Variants in CCNB1IP1 observed in about 807,000 individuals in gnomAD.
The protein encoded by CCNB1IP1 is E3 ubiquitin-protein ligase CCNB1IP1.
Under a neutral mutation model 25.6 loss-of-function variants are expected in CCNB1IP1, and 14 were observed. The observed-to-expected ratio is 0.55, with a 90% CI of 0.36 to 0.85. The LOEUF is 0.85. Ranked by LOEUF, CCNB1IP1 falls within the 40% of genes least tolerant of loss-of-function variation. The pLI, the probability that CCNB1IP1 is intolerant of heterozygous loss-of-function variation, is 0.01. For missense variants in CCNB1IP1, 278 were observed against 342.4 expected (o/e 0.81, Z 1.48); for synonymous variants, 119 against 116.1 (o/e 1.02, Z -0.16).
intron 4 of CCNB1IP1, 140 bp downstream of exon 4, chr14:20,325,399 C>A (rs1033981454): frequency 1.5e-5 from 2 of 137,736 alleles, no homozygotes; most frequent in African/African-American, 5.6e-5. Flanking sequence ...CCAGCCTGGG[C>A]GACAGAGCAA....
intron 4 of CCNB1IP1, among the ~76,000 whole-genome samples, chr14:20,320,655 A>G (rs188459943): frequency 6.6e-6 from 1 of 151,610 alleles, no homozygotes; most frequent in African/African-American, 2.4e-5. Flanking sequence ...AAACACAAAA[A>G]TTAGCTGGAT....
chr14:20,329,517 T>C (rs981860693), intron 1 of CCNB1IP1, 144 bp from the exon 2 acceptor site: 1 of 152,218 alleles, frequency 6.6e-6, no homozygotes, highest in African/African-American at 2.4e-5. Flanking sequence ...TCACTATCAG[T>C]TTCCTTCCTT....
intron 4 of CCNB1IP1, among the ~76,000 whole-genome samples, chr14:20,319,393 T>C (rs1882821088): frequency 6.6e-6 from 1 of 152,246 alleles, no homozygotes; most frequent in Admixed American, 6.5e-5. Flanking sequence ...AACATCTGTT[T>C]TTGGCTGTTT....
intron 1 of CCNB1IP1, among the ~76,000 whole-genome samples, chr14:20,332,027 T>TATATATATATATATATATATATATA (rs1555314508): frequency 3.0e-5 from 1 of 33,658 alleles, no homozygotes; most frequent in Non-Finnish European, 5.3e-5. Context: ...TATATATATA[T>TATATATATATATATATATATATATA]TTTTTTTTTT....
chr14:20,321,047 A>T (rs1429613890), intron 4 of CCNB1IP1, among the ~76,000 whole-genome samples: 2 of 151,500 alleles, frequency 1.3e-5, no homozygotes, highest in African/African-American at 4.9e-5. Context: ...CTGAGGCAGG[A>T]GAATAGCTTG....
intron 4 of CCNB1IP1, chr14:20,317,973 G>C (rs1489776212): frequency 6.6e-6 from 1 of 152,228 alleles, no homozygotes; most frequent in Admixed American, 6.5e-5. Flanking sequence ...CCGCAGCTCC[G>C]GCTAAGAATC....
At chr14:20,322,928 G>C (rs1227538184) in intron 4 of CCNB1IP1, among the ~76,000 whole-genome samples, 1 of 152,072 alleles carries the variant, frequency 6.6e-6, no homozygotes, top group African/African-American at 2.4e-5. Context: ...CAGCCAAAAA[G>C]TGTATTTTTA....
At chr14:20,330,103 A>AT (rs1446613157) in intron 1 of CCNB1IP1, among the ~76,000 whole-genome samples, 1 of 97,262 alleles carries the variant, frequency 1.0e-5, no homozygotes, top group Non-Finnish European at 2.0e-5. Flanking sequence ...TTCCACAGCC[A>AT]TAAAAAAAAA....
At chr14:20,322,701 C>T (rs1882935269) in intron 4 of CCNB1IP1, among the ~76,000 whole-genome samples, 1 of 150,986 alleles carries the variant, frequency 6.6e-6, no homozygotes, top group Non-Finnish European at 1.5e-5. Context: ...CGGCTTACTA[C>T]AATCTCCACC....
intron 2 of CCNB1IP1, among the ~76,000 whole-genome samples, chr14:20,328,572 A>C (rs1356855772): frequency 6.6e-6 from 1 of 151,996 alleles, no homozygotes; most frequent in Admixed American, 6.6e-5. Flanking sequence ...TCCAAACCTA[A>C]AATAAATTTT....
intron 4 of CCNB1IP1, among the ~76,000 whole-genome samples, chr14:20,320,935 C>T (rs1882873702): frequency 6.6e-6 from 1 of 151,140 alleles, no homozygotes; most frequent in Non-Finnish European, 1.5e-5. Context: ...GTCGGGAGTT[C>T]GAGACCAGCC....
chr14:20,321,761 G>A (rs150171441), intron 4 of CCNB1IP1, among the ~76,000 whole-genome samples: 60 of 152,204 alleles, frequency 3.9e-4, no homozygotes, highest in African/African-American at 1.3e-3. Flanking sequence ...TAAAGAATAC[G>A]TTTCATATTC....
intron 4 of CCNB1IP1, among the ~76,000 whole-genome samples, chr14:20,319,611 A>G (rs1882828451): frequency 6.6e-6 from 1 of 152,230 alleles, no homozygotes; most frequent in South Asian, 2.1e-4. Flanking sequence ...ACATTAATTC[A>G]TTTTAACAAC....
chr14:20,315,552 T>C (rs1882663450), intron 5 of CCNB1IP1: 1 of 1,256,188 alleles, frequency 8.0e-7, no homozygotes, highest in Non-Finnish European at 1.0e-6. Flanking sequence ...AGTGTATATG[T>C]AAGATATAAC....
At chr14:20,316,942 C>CT (rs1882719822) in intron 4 of CCNB1IP1, among the ~76,000 whole-genome samples, 1 of 152,140 alleles carries the variant, frequency 6.6e-6, no homozygotes, top group Non-Finnish European at 1.5e-5. Context: ...AACCCAGTCT[C>CT]TATTAAAAAT....
intron 4 of CCNB1IP1, among the ~76,000 whole-genome samples, chr14:20,322,330 C>T (rs1266326453): frequency 6.6e-6 from 1 of 152,042 alleles, no homozygotes; most frequent in Non-Finnish European, 1.5e-5. Flanking sequence ...CCCTCTATGG[C>T]TCCCACACCC....
intron 5 of CCNB1IP1, chr14:20,315,964 G>A: frequency 5.3e-6 from 2 of 380,112 alleles, no homozygotes; most frequent in East Asian, 4.7e-5. Context: ...TTATACAGAA[G>A]AGAGAGAGAG....
At chr14:20,322,605 TTA>T (rs367735197) in intron 4 of CCNB1IP1, among the ~76,000 whole-genome samples, 1 of 147,726 alleles carries the variant, frequency 6.8e-6, no homozygotes, top group Admixed American at 6.7e-5. Context: ...AAGAAAAGTT[TTA>T]TATATATATA....
At chr14:20,311,793 G>A (rs754791159) in intron 6 of CCNB1IP1, 41 bp from the exon 7 acceptor site, 56 of 1,353,752 alleles carry the variant, frequency 4.1e-5, no homozygotes, top group East Asian at 2.3e-5. Context: ...TTATTCATTT[G>A]TTATCTATAT....
Sources: gnomAD v4.1 joint callset for allele counts (sites outside exome capture counted in the v4.1 genomes callset) on GRCh38, gnomAD v4.1.1 for gene constraint, MANE v1.5 for transcripts, NCBI Gene and HGNC (gene_info 2026-07-23, HGNC 2026-07-21) for gene names.